The following PRKG1 variants were observed in gnomAD, a reference collection of about 807,000 sequenced individuals.
The protein encoded by PRKG1 is protein kinase cGMP-dependent 1.
Under a neutral mutation model 88.1 loss-of-function variants are expected in PRKG1, and 35 were observed. The observed-to-expected ratio is 0.40, with a 90% CI of 0.30 to 0.53. The LOEUF is 0.53. PRKG1 is among the 20% of genes least tolerant of loss of function. PRKG1 has a pLI of 0.59. For synonymous variants in PRKG1, 303 were observed against 292.5 expected, an observed-to-expected ratio of 1.04 and a Z score of -0.37; for missense variants, 540 against 839.8, an observed-to-expected ratio of 0.64 and a Z score of 4.41.
chr10:51,545,534 C>T (rs935807210), intron 3 of PRKG1, among the ~76,000 whole-genome samples: 4 of 152,098 alleles, frequency 2.6e-5, no homozygotes, highest in African/African-American at 9.7e-5. Flanking sequence ...ATTTCTATCT[C>T]TTAGAGAAGT....
intron 3 of PRKG1, among the ~76,000 whole-genome samples, chr10:51,767,218 G>A (rs1838187006): frequency 6.6e-6 from 1 of 152,096 alleles, no homozygotes; most frequent in African/African-American, 2.4e-5. Context: ...TTAGAAGATA[G>A]GCGGAGATTG....
At chr10:51,737,603 T>C (rs1449422379) in intron 3 of PRKG1, among the ~76,000 whole-genome samples, 1 of 152,128 alleles carries the variant, frequency 6.6e-6, no homozygotes, top group Non-Finnish European at 1.5e-5. Context: ...CTTGCCTGGT[T>C]TGTGCAAGTC....
intron 2 of PRKG1, among the ~76,000 whole-genome samples, chr10:51,291,698 T>C (rs1319271610): frequency 7.9e-5 from 12 of 152,092 alleles, no homozygotes; most frequent in Admixed American, 5.9e-4. Context: ...AAGAGGTGAA[T>C]GGATGTTAGC....
intron 2 of PRKG1, among the ~76,000 whole-genome samples, chr10:51,162,590 A>G (rs191210456): frequency 2.1e-3 from 319 of 152,322 alleles, no homozygotes; most frequent in Non-Finnish European, 2.9e-3. Flanking sequence ...TACATTAATG[A>G]TTTGTGTAGA....
At chr10:51,278,794 G>A (rs12256943) in intron 2 of PRKG1, among the ~76,000 whole-genome samples, 3 of 152,186 alleles carry the variant, frequency 2.0e-5, no homozygotes, top group South Asian at 4.1e-4. Flanking sequence ...GGGATCAGTG[G>A]TGATATCCCC....
intron 9 of PRKG1, among the ~76,000 whole-genome samples, chr10:52,183,362 G>A (rs10824214): frequency 0.41 from 62,590 of 152,014 alleles, 13,153 homozygotes; most frequent in African/African-American, 0.49. Context: ...GCGTGAGTAT[G>A]TAGTGGCTCT....
intron 3 of PRKG1, among the ~76,000 whole-genome samples, chr10:51,492,057 C>G (rs1468071736): frequency 6.6e-6 from 1 of 152,098 alleles, no homozygotes; most frequent in Non-Finnish European, 1.5e-5. Flanking sequence ...ATGCCACTCT[C>G]TAATCTAAGT....
At chr10:52,085,816 C>T (rs1308030840) in intron 7 of PRKG1, among the ~76,000 whole-genome samples, 3 of 152,062 alleles carry the variant, frequency 2.0e-5, no homozygotes, top group Admixed American at 6.6e-5. Flanking sequence ...ATTTGCATTC[C>T]CCCTTTCCCT....
chr10:51,163,461 C>T (rs143766161), intron 2 of PRKG1, among the ~76,000 whole-genome samples: 11 of 152,274 alleles, frequency 7.2e-5, no homozygotes, highest in African/African-American at 1.4e-4. Context: ...GCATGAGCGA[C>T]GCAGAAGACG....
Position 51,122,768 on chromosome 10 carries a change from A to G in PRKG1, c.312-30396A>G, listed in dbSNP as rs551305065. 1.6e-3 allele frequency among the ~76,000 whole-genome samples: 248 copies of G among 152,310 alleles called. 1 individual carries two copies. Among genetic ancestry groups the G allele is most frequent in the Middle Eastern group, 6.8e-3 (2 of 294 alleles). On this transcript the variant is annotated intron_variant, in intron 1 of 17. Coordinates refer to ENST00000373980, the MANE Select transcript of PRKG1 (RefSeq NM_006258.4). Reference sequence around the variant, plus strand: ...ACGCCATGTTGTTCTCCCGTTGAGCATCAATAATGTCATAAACCACCTACT... The same window carrying G: ...ACGCCATGTTGTTCTCCCGTTGAGCGTCAATAATGTCATAAACCACCTACT...
At chr10:51,849,417 C>A (rs79480638) in intron 4 of PRKG1, among the ~76,000 whole-genome samples, 1,718 of 152,278 alleles carry the variant, frequency 0.011, 9 homozygotes, top group Middle Eastern at 0.034. Flanking sequence ...CTCCTTTCTG[C>A]ACATTTTTTA....
intron 2 of PRKG1, among the ~76,000 whole-genome samples, chr10:51,309,566 T>C (rs1196417952): frequency 6.6e-6 from 1 of 152,172 alleles, no homozygotes; most frequent in Non-Finnish European, 1.5e-5. Flanking sequence ...CCAGTTAGGA[T>C]GGCTATTACT....
intron 8 of PRKG1, among the ~76,000 whole-genome samples, chr10:52,141,799 T>G (rs1298060096): frequency 2.0e-5 from 3 of 152,028 alleles, no homozygotes; most frequent in Non-Finnish European, 2.9e-5. Flanking sequence ...AGAAGAGATT[T>G]AAGAAGGAGA....
At chr10:51,813,445 AATAAT>A (rs1339869842) in intron 4 of PRKG1, among the ~76,000 whole-genome samples, 1 of 152,192 alleles carries the variant, frequency 6.6e-6, no homozygotes, top group Non-Finnish European at 1.5e-5. Context: ...AAATAAACAA[AATAAT>A]ATGTTAGTAA....
chr10:52,096,705 G>A (rs1444510844), intron 7 of PRKG1, among the ~76,000 whole-genome samples: 1 of 152,048 alleles, frequency 6.6e-6, no homozygotes, highest in Admixed American at 6.6e-5. Context: ...GTATGTGTGT[G>A]TGTTTGTACA....
intron 7 of PRKG1, among the ~76,000 whole-genome samples, chr10:52,082,434 A>G (rs1333065675): frequency 2.0e-5 from 3 of 152,258 alleles, no homozygotes; most frequent in East Asian, 3.9e-4. Context: ...AGGACAGGAG[A>G]GAAAGCTCTG....
intron 3 of PRKG1, among the ~76,000 whole-genome samples, chr10:51,589,453 G>C (rs777000051): frequency 6.6e-6 from 1 of 151,990 alleles, no homozygotes; most frequent in East Asian, 1.9e-4. Context: ...ATGAAACCCC[G>C]TCTCTACTAA....
intron 4 of PRKG1, among the ~76,000 whole-genome samples, chr10:51,830,560 G>GTTTTTTTTTTTTTTT (rs531412645): frequency 1.8e-4 from 15 of 83,648 alleles, no homozygotes; most frequent in African/African-American, 1.9e-4. Context: ...TTTTTTTTTT[G>GTTTTTTTTTTTTTTT]TTTTTTTTTT....
rs374814512 is a variant in PRKG1, at chr10:52,057,616, T to G, written c.840+3055T>G. On this transcript the variant is annotated intron_variant, in intron 6 of 17. Coordinates refer to ENST00000373980, the MANE Select transcript of PRKG1 (RefSeq NM_006258.4). Reference sequence around the variant, plus strand: ...GAGTTCTAATAGTAGCTCAAATAGATTTTGATTTTTCTGATTCCATTCAAC... The same window carrying G: ...GAGTTCTAATAGTAGCTCAAATAGAGTTTGATTTTTCTGATTCCATTCAAC... Among the ~76,000 whole-genome samples, 11 of 152,288 alleles carry G rather than the reference T, an allele frequency of 7.2e-5. 1 individual carries two copies. The East Asian group carries it at 1.5e-3, about 21-fold the overall frequency.
Sources: gnomAD v4.1 joint callset for allele counts (sites outside exome capture counted in the v4.1 genomes callset) on GRCh38, gnomAD v4.1.1 for gene constraint, MANE v1.5 for transcripts, NCBI Gene and HGNC (gene_info 2026-07-23, HGNC 2026-07-21) for gene names.